NOS1: variants seen among roughly 807,000 people sequenced by gnomAD.
The protein encoded by NOS1 is NOS type I.
In NOS1, 51 loss-of-function variants were observed where a neutral mutation model predicts 164.5. That is an observed-to-expected ratio of 0.31 (90% CI 0.25 to 0.39). The LOEUF (loss-of-function observed/expected upper bound fraction) is 0.39. Among genes scored for constraint, NOS1 ranks in the 10% least tolerant of loss-of-function variants. The probability of loss-of-function intolerance (pLI) is 1.00; values close to 1 mark genes in which losing one functional copy is unlikely to be tolerated. For missense variants in NOS1, 1,362 were observed against 1,885.6 expected (o/e 0.72, Z 5.14); for synonymous variants, 719 against 745.8 (o/e 0.96, Z 0.59).
chr12:117,330,282 A>G lies in NOS1; in HGVS notation c.725+63T>C. The G allele has an allele frequency of 6.6e-7, 1 of 1,522,626 alleles. No individual in the cohort carries two copies. The highest frequency in any genetic ancestry group is 8.8e-7 in the Non-Finnish European group (1 of 1,135,134). The allele number at this position is 1,522,626 out of a possible 1,614,324, so 94.3% of individuals were successfully genotyped here. A position where few individuals can be genotyped will look rare whatever the true frequency, so the allele number is the denominator to read the frequency against. On this transcript the variant is annotated intron_variant, in intron 2 of 28. Coordinates refer to ENST00000317775, the MANE Select transcript of NOS1 (RefSeq NM_000620.5). This position sits in a 1 kb window ranked among gnomAD's most constrained non-coding sequence, Gnocchi z 4.6. Reference sequence around the variant, plus strand: ...TGAGGCTGAGTCTCAGTAGACGCACATGCACACACACAAGCATGCACACAC... The same window carrying G: ...TGAGGCTGAGTCTCAGTAGACGCACGTGCACACACACAAGCATGCACACAC...
chr12:117,216,006 T>C (rs1331776059), intron 28 of NOS1, among the ~76,000 whole-genome samples: 2 of 150,026 alleles, frequency 1.3e-5, no homozygotes, highest in African/African-American at 4.9e-5. Flanking sequence ...GCCTCCTGAG[T>C]AGCTGGGATT....
At chr12:117,278,177 G>A in intron 8 of NOS1, 79 bp from the exon 9 acceptor site, 1 of 1,452,816 alleles carries the variant, frequency 6.9e-7, no homozygotes, top group Non-Finnish European at 9.1e-7. Flanking sequence ...AGCGGGGGTG[G>A]GGTGGATAGA....
intron 16 of NOS1, among the ~76,000 whole-genome samples, chr12:117,254,147 G>A (rs866393183): frequency 4.6e-5 from 7 of 151,710 alleles, no homozygotes; most frequent in Non-Finnish European, 8.8e-5. Context: ...CACTCTTGTC[G>A]CCTGGGCTGG....
intron 2 of NOS1, among the ~76,000 whole-genome samples, chr12:117,323,341 C>T (rs1223276652): frequency 2.0e-5 from 3 of 152,244 alleles, no homozygotes; most frequent in Non-Finnish European, 1.5e-5. Context: ...GCCTCAGTTT[C>T]CCTTTCAGAC....
At position 117,330,214 on chromosome 12, in the gene NOS1, C is replaced by T. The variant is rs1875458346; in HGVS notation, c.725+131G>A. ...TCAAGGGGGCCGTCAAGTGGTTATG[C>T]AAAAACAGGTATCTGAGACAGCCCA... On this transcript the variant is annotated intron_variant, in intron 2 of 28. Coordinates refer to ENST00000317775, the MANE Select transcript of NOS1 (RefSeq NM_000620.5). This position sits in a 1 kb window ranked among gnomAD's most constrained non-coding sequence, Gnocchi z 4.6. 4 of 1,376,746 alleles carry T rather than the reference C, an allele frequency of 2.9e-6. No individual in the cohort carries two copies. In the South Asian group the frequency reaches 7.6e-5, roughly 26 times the overall value. 85.3% of individuals were successfully genotyped at this position (1,376,746 alleles called of 1,614,324 possible).
chr12:117,288,648 A>G (rs9658340), intron 4 of NOS1, among the ~76,000 whole-genome samples: 5,943 of 152,238 alleles, frequency 0.039, 394 homozygotes, highest in African/African-American at 0.14. Context: ...TGGCTTTACA[A>G]CAATTCTCCA....
Position 117,356,955 on chromosome 12 carries a change from G to T in NOS1, c.-421+4557C>A, listed in dbSNP as rs972513368. On this transcript the variant is annotated intron_variant, in intron 1 of 28. Coordinates refer to ENST00000317775, the MANE Select transcript of NOS1 (RefSeq NM_000620.5). This position sits in a 1 kb window ranked among gnomAD's most constrained non-coding sequence, Gnocchi z 4.2. ...AACCAATGGCTTTGGTGAAATCAGT[G>T]GTAGTTAAACTGGGTTTATTAGCTC... 6.6e-6 allele frequency among the ~76,000 whole-genome samples: 1 copy of T among 152,178 alleles called. No homozygotes were observed. The highest frequency in any genetic ancestry group is 2.4e-5 in the African/African-American group (1 of 41,438).
Position 117,259,145 on chromosome 12 carries a change from C to G in NOS1, c.2368-15G>C. 1 of 1,570,846 alleles carries G rather than the reference C, an allele frequency of 6.4e-7. No homozygotes were observed. ...ATGGACATCACCTAGGTGGGCAGGG[C>G]ACAGGTATAGGATGGGGAGAGGAAG... On this transcript the variant is annotated splice_polypyrimidine_tract_variant and intron_variant, in intron 14 of 28. Transcript: ENST00000317775.
chr12:117,263,596 T>C (rs960561317), intron 13 of NOS1, among the ~76,000 whole-genome samples: 2 of 145,040 alleles, frequency 1.4e-5, no homozygotes, highest in Non-Finnish European at 1.5e-5. Flanking sequence ...ATTATTATTA[T>C]TATTATTATT....
At chr12:117,249,330 A>G (rs2135963003) in intron 17 of NOS1, among the ~76,000 whole-genome samples, 1 of 152,316 alleles carries the variant, frequency 6.6e-6, no homozygotes. Context: ...CGCCATCATC[A>G]GGAGAATATT....
At chr12:117,259,176 G>T in intron 14 of NOS1, 46 bp from the exon 15 acceptor site, 1 of 1,307,690 alleles carries the variant, frequency 7.6e-7, no homozygotes, top group Non-Finnish European at 1.1e-6. Context: ...GGAAGAAGGG[G>T]ATGAGGAGAG....
At position 117,208,605 on chromosome 12, in the gene NOS1, A is replaced by G. The variant is rs1216042651; in HGVS notation, c.*6704T>C. 4 of 1,180,680 alleles carry G rather than the reference A, an allele frequency of 3.4e-6. No individual in the cohort carries two copies. The highest frequency in any genetic ancestry group is 3.5e-5 in the Admixed American group (1 of 28,276). The allele number at this position is 1,180,680 out of a possible 1,614,324, so 73.1% of individuals were successfully genotyped here. The stretch of plus-strand genomic sequence containing the variant: ...AAACAGTGGCGGCAGAGCACAGGAC[A>G]TGGGAGGGGACTGAGACCCAGCTCA... On this transcript the variant is annotated 3_prime_UTR_variant, in exon 29 of 29. Coordinates refer to ENST00000317775, the MANE Select transcript of NOS1 (RefSeq NM_000620.5).
intron 16 of NOS1, among the ~76,000 whole-genome samples, chr12:117,257,784 GAAT>G (rs1045689071): frequency 1.4e-5 from 2 of 146,670 alleles, no homozygotes; most frequent in African/African-American, 5.0e-5. Flanking sequence ...GAGGGAAAAA[GAAT>G]AATATTTACA....
Position 117,210,025 on chromosome 12 carries a change from T to A in NOS1, c.*5284A>T. 1 of 960,252 alleles carries A rather than the reference T, an allele frequency of 1.0e-6. No homozygotes were observed. The highest frequency in any genetic ancestry group is 1.2e-6 in the Non-Finnish European group (1 of 807,018). The allele number at this position is 960,252 out of a possible 1,614,324, so 59.5% of individuals were successfully genotyped here. ...TCTTGCTCTGTCACTCAGGCTGGAG[T>A]GCAGTGGTGCGATCCTAGCTCACTG... On this transcript the variant is annotated 3_prime_UTR_variant, in exon 29 of 29. Coordinates refer to ENST00000317775, the MANE Select transcript of NOS1 (RefSeq NM_000620.5).
At chr12:117,288,395 G>T (rs1872847003) in intron 4 of NOS1, among the ~76,000 whole-genome samples, 176 bp from the exon 5 acceptor site, 1 of 152,116 alleles carries the variant, frequency 6.6e-6, no homozygotes, top group Non-Finnish European at 1.5e-5. Context: ...TCATGTTAAG[G>T]AACAATAAGT....
Position 117,263,909 on chromosome 12 carries a change from A to T in NOS1, c.2202T>A (p.Ile734=), listed in dbSNP as rs2293054. ...TNGTPTKRRA[I]GFKKLAEAVK... ...CTTACTCTGCTAGCTTCTTGAAGCC[A>T]ATGGCTCGCCGCTTTGTGGGGGTCC... is the stretch of plus-strand genomic sequence containing the variant. The change falls in exon 13 of 29, where the codon ATT becomes ATA. Residue 734 remains isoleucine, a synonymous_variant. Coordinates refer to ENST00000317775, the MANE Select transcript of NOS1 (RefSeq NM_000620.5). 1 of 1,613,558 alleles carries T rather than the reference A, an allele frequency of 6.2e-7. No individual in the cohort carries two copies. The highest frequency in any genetic ancestry group is 1.3e-5 in the African/African-American group (1 of 74,938).
At chr12:117,226,861 G>A in intron 23 of NOS1, 91 bp from the exon 24 acceptor site, 1 of 941,776 alleles carries the variant, frequency 1.1e-6, no homozygotes, top group Non-Finnish European at 1.7e-6. Context: ...CACAGGCCCA[G>A]TGCCAAGTTT....
intron 24 of NOS1, 26 bp downstream of exon 24, chr12:117,226,657 C>T: frequency 6.2e-7 from 1 of 1,602,786 alleles, no homozygotes; most frequent in Non-Finnish European, 8.5e-7. Context: ...GAGATGATTG[C>T]TCATTTTTCT....
rs770325706 is a variant in NOS1 at position 117,243,359 on chromosome 12, C to T, written c.2900G>A (p.Arg967His). The part of the protein sequence containing the change: ...KANNSLISND[R>H]SWKRNKFRLT... ...GCGGAACTTGTTTCTCTTCCAGCTG[C>T]GATCATTGCTGATGAGGGAATTGTT... Residue 967 changes from arginine to histidine, a missense_variant, in exon 19 of 29, where the codon CGC becomes CAC. Coordinates refer to ENST00000317775, the MANE Select transcript of NOS1 (RefSeq NM_000620.5). This position sits in a 1 kb window ranked among gnomAD's most constrained non-coding sequence, Gnocchi z 4.3. 9 of 1,614,104 alleles carry T rather than the reference C, an allele frequency of 5.6e-6. No individual in the cohort carries two copies. The highest frequency in any genetic ancestry group is 7.6e-6 in the Non-Finnish European group (9 of 1,180,030).
Sources: allele counts gnomAD v4.1 joint callset (sites outside exome capture counted in the v4.1 genomes callset), GRCh38; gene constraint gnomAD v4.1.1; non-coding constraint Gnocchi (gnomAD v3.1); transcripts MANE v1.5; gene names NCBI Gene and HGNC (gene_info 2026-07-23, HGNC 2026-07-21).